SLC45A4: variants seen among roughly 807,000 people sequenced by gnomAD.
The protein encoded by SLC45A4 is solute carrier family 45 member 4, also known as polyamine-transporter SLC45A4.
In SLC45A4, 32 loss-of-function variants were observed where a neutral mutation model predicts 63.7. The ratio of observed to expected loss-of-function variants is 0.50; its 90% confidence interval spans 0.38 to 0.67. The LOEUF (loss-of-function observed/expected upper bound fraction) is 0.67, where lower values mean the gene tolerates loss of function less well. Ranked by LOEUF, SLC45A4 falls within the 30% of genes least tolerant of loss-of-function variation. The pLI, the probability that SLC45A4 is intolerant of heterozygous loss-of-function variation, is 0.00. For synonymous variants in SLC45A4, 535 were observed against 510.0 expected (o/e 1.05, Z -0.66); for missense variants, 1,027 against 1,157.7 (o/e 0.89, Z 1.64).
At chr8:141,273,464 T>C (rs947321256) in intron 1 of SLC45A4, among the ~76,000 whole-genome samples, 1 of 152,126 alleles carries the variant, frequency 6.6e-6, no homozygotes, top group African/African-American at 2.4e-5. Flanking sequence ...CTCCTCTGAG[T>C]CGCGGTTACT....
At chr8:141,280,157 G>C (rs1829881501) in intron 1 of SLC45A4, among the ~76,000 whole-genome samples, 1 of 152,224 alleles carries the variant, frequency 6.6e-6, no homozygotes, top group Admixed American at 6.5e-5. Flanking sequence ...TGCGAGCTGA[G>C]CAGCAGGACT....
At chr8:141,302,703 A>G (rs1830786427) in intron 1 of SLC45A4, among the ~76,000 whole-genome samples, 1 of 152,116 alleles carries the variant, frequency 6.6e-6, no homozygotes, top group South Asian at 2.1e-4. Context: ...TAACTCTAAA[A>G]CATTCCTAAT....
At position 141,227,020 on chromosome 8, in the gene SLC45A4, G is replaced by A. The variant is rs1827043599; in HGVS notation, c.242-5255C>T. 6.6e-6 allele frequency: 1 copy of A among 152,264 alleles called. No individual in the cohort carries two copies. The highest frequency in any genetic ancestry group is 6.5e-5 in the Admixed American group (1 of 15,284). 9.4% of individuals were successfully genotyped at this position (152,264 alleles called of 1,614,324 possible). A position where few individuals can be genotyped will look rare whatever the true frequency, so the allele number is the denominator to read the frequency against. On this transcript the variant is annotated intron_variant, in intron 2 of 8. Coordinates refer to ENST00000517878, the MANE Select transcript of SLC45A4 (RefSeq NM_001286646.2). This position sits in a 1 kb window ranked among gnomAD's most constrained non-coding sequence, Gnocchi z 4.4. ...CCTGCTCTGACGTCCCCGGCGGTGA[G>A]AACTCGGTCTCCCCCGTTCGTAGCA...
At chr8:141,249,703 T>C (rs989911777) in intron 2 of SLC45A4, among the ~76,000 whole-genome samples, 2 of 152,180 alleles carry the variant, frequency 1.3e-5, no homozygotes, top group African/African-American at 4.8e-5. Flanking sequence ...AATCCAATCA[T>C]AAGCACTGTG....
intron 2 of SLC45A4, among the ~76,000 whole-genome samples, chr8:141,243,014 C>T (rs1386097194): frequency 6.6e-6 from 1 of 152,216 alleles, no homozygotes; most frequent in Admixed American, 6.5e-5. Flanking sequence ...GCTCCACCTC[C>T]AAGACTTTGC....
chr8:141,226,552 C>T (rs1407272701), intron 2 of SLC45A4: 2 of 152,390 alleles, frequency 1.3e-5, no homozygotes, highest in Non-Finnish European at 2.9e-5. Context: ...AGCAGGAGAC[C>T]CACGACTGGG....
chr8:141,307,239 C>T (rs964642359), intron 1 of SLC45A4, among the ~76,000 whole-genome samples: 4 of 152,152 alleles, frequency 2.6e-5, no homozygotes, highest in Admixed American at 2.0e-4. Context: ...ACGGGTTAAG[C>T]GCAAAGGGGA....
chr8:141,288,904 C>T lies in SLC45A4; in HGVS notation c.-401+19192G>A, dbSNP rs146226329. 7.7e-4 allele frequency among the ~76,000 whole-genome samples: 118 copies of T among 152,376 alleles called. No individual in the cohort carries two copies. In the South Asian group the frequency reaches 9.1e-3, roughly 12 times the overall value. Reference sequence around the variant, plus strand: ...AATGCAGATGGCCAGGCAGCTGGCACAGCAGAAGAACTTGGGGAGCAGTCT... The same window carrying T: ...AATGCAGATGGCCAGGCAGCTGGCATAGCAGAAGAACTTGGGGAGCAGTCT... On this transcript the variant is annotated intron_variant, in intron 1 of 8. Transcript: ENST00000517878.
Position 141,218,405 on chromosome 8 carries a change from A to C in SLC45A4, c.1235T>G (p.Met412Arg). The change falls in exon 5 of 9, where the codon ATG becomes AGG. Residue 412 changes from methionine to arginine, a missense_variant. Transcript: ENST00000517878. The part of the protein sequence containing the change: ...DTKPSATSSS[M>R]RRRRHAFRRQ... ...GCGGAACGCGTGCCGCCGCCGCCGCATGGAGCTCGACGTGGCCGAGGGCTT... is the reference window on the plus strand; with the variant it reads ...GCGGAACGCGTGCCGCCGCCGCCGCCTGGAGCTCGACGTGGCCGAGGGCTT... 1.2e-6 allele frequency: 2 copies of C among 1,610,300 alleles called. No homozygotes were observed. Among genetic ancestry groups the C allele is most frequent in the Non-Finnish European group, 1.7e-6 (2 of 1,179,816 alleles).
At chr8:141,238,683 A>G (rs769370590) in intron 2 of SLC45A4, among the ~76,000 whole-genome samples, 3 of 151,830 alleles carry the variant, frequency 2.0e-5, no homozygotes, top group Admixed American at 2.0e-4. Context: ...AGCATCCACC[A>G]CCCATTCCCC....
chr8:141,270,106 G>A (rs182582802), intron 1 of SLC45A4, among the ~76,000 whole-genome samples: 1 of 152,148 alleles, frequency 6.6e-6, no homozygotes, highest in Non-Finnish European at 1.5e-5. Flanking sequence ...AGACCCTGAG[G>A]GCACAGCGCA....
intron 2 of SLC45A4, among the ~76,000 whole-genome samples, chr8:141,239,604 GCACA>G (rs1827804976): frequency 7.1e-6 from 1 of 140,304 alleles, no homozygotes; most frequent in African/African-American, 2.7e-5. Context: ...ACACACGCAC[GCACA>G]CACACAGCAT....
chr8:141,299,039 C>T (rs1830656829), intron 1 of SLC45A4, among the ~76,000 whole-genome samples: 1 of 152,046 alleles, frequency 6.6e-6, no homozygotes, highest in Admixed American at 6.5e-5. Context: ...GGGCGCCCGG[C>T]ACGGATGCAG....
At chr8:141,217,578 C>T (rs1418650873) in intron 5 of SLC45A4, among the ~76,000 whole-genome samples, 1 of 152,186 alleles carries the variant, frequency 6.6e-6, no homozygotes, top group East Asian at 1.9e-4. Flanking sequence ...GAGGCCCGAG[C>T]GTGTGCTGAG....
intron 1 of SLC45A4, among the ~76,000 whole-genome samples, chr8:141,266,428 C>T (rs562632636): frequency 2.6e-5 from 4 of 152,164 alleles, no homozygotes; most frequent in African/African-American, 4.8e-5. Context: ...CAGCCTCGGA[C>T]GGCCCCGTTC....
Position 141,212,245 on chromosome 8 carries a change from C to A in SLC45A4, c.2253G>T (p.Lys751Asn). ...GGNSEKPTVL[K>N]LTRKEGLQGP... Reference sequence around the variant, plus strand: ...CCTGCAGGCCCTCCTTCCGCGTGAGCTTCAGCACGGTGGGCTTTTCGCTGT... The same window carrying A: ...CCTGCAGGCCCTCCTTCCGCGTGAGATTCAGCACGGTGGGCTTTTCGCTGT... The change falls in exon 8 of 9, where the codon AAG becomes AAT. Residue 751 changes from lysine (K) to asparagine (N), a missense_variant. Coordinates refer to ENST00000517878, the MANE Select transcript of SLC45A4 (RefSeq NM_001286646.2). 3 of 1,575,490 alleles carry A rather than the reference C, an allele frequency of 1.9e-6. No individual in the cohort carries two copies. Among genetic ancestry groups the A allele is most frequent in the Admixed American group, 1.8e-5 (1 of 57,046 alleles).
intron 2 of SLC45A4, among the ~76,000 whole-genome samples, chr8:141,249,183 G>A (rs1379092605): frequency 2.6e-5 from 4 of 152,134 alleles, no homozygotes; most frequent in East Asian, 3.9e-4. Context: ...AGATGGTACC[G>A]TCACCCTGGA....
At chr8:141,274,041 AAC>A (rs2154614970) in intron 1 of SLC45A4, among the ~76,000 whole-genome samples, 1 of 149,332 alleles carries the variant, frequency 6.7e-6, no homozygotes, top group South Asian at 2.1e-4. Flanking sequence ...CATCCTGCCT[AAC>A]ACAGTGAAAC....
Position 141,219,813 on chromosome 8 carries a change from A to G in SLC45A4, c.447T>C (p.Asp149=), listed in dbSNP as rs772821313. The stretch of plus-strand genomic sequence containing the variant: ...TGCCAATGGGCTGCCGGTTGGGGAC[A>G]TCGCCGAGGGCCAGACCTGCGCAGA... ...NGSAIGLALG[D]VPNRQPIGIV... Residue 149 remains aspartate, a synonymous_variant, in exon 4 of 9, where the codon GAT becomes GAC. Transcript: ENST00000517878. The G allele has an allele frequency of 2.5e-6, 4 of 1,585,788 alleles. No individual in the cohort carries two copies. Among genetic ancestry groups the G allele is most frequent in the South Asian group, 1.1e-5 (1 of 87,010 alleles).
Sources: allele counts gnomAD v4.1 joint callset (sites outside exome capture counted in the v4.1 genomes callset), GRCh38; gene constraint gnomAD v4.1.1; non-coding constraint Gnocchi (gnomAD v3.1); transcripts MANE v1.5; gene names NCBI Gene and HGNC (gene_info 2026-07-23, HGNC 2026-07-21).